The following SF3B4 variants were observed in gnomAD, a reference collection of about 807,000 sequenced individuals.
The protein encoded by SF3B4 is SAP 49.
SF3B4 carries 3 observed loss-of-function variants against 34.3 expected under a neutral mutation model. The ratio of observed to expected loss-of-function variants is 0.09; its 90% CI spans 0.04 to 0.23. The LOEUF is 0.23. Among genes scored for constraint, SF3B4 ranks in the 10% least tolerant of loss-of-function variants. SF3B4 has a pLI of 1.00. For missense variants in SF3B4, 283 were observed against 567.2 expected (o/e 0.50, Z 5.09); for synonymous variants, 216 against 207.8 (o/e 1.04, Z -0.34).
chr1:149,927,674 C>T, intron 1 of SF3B4, 52 bp downstream of exon 1: 2 of 1,546,086 alleles, frequency 1.3e-6, no homozygotes, highest in East Asian at 2.4e-5. Flanking sequence ...TGGCTGTAGT[C>T]GGGGCCTCCT....
intron 1 of SF3B4, 25 bp from the exon 2 acceptor site, chr1:149,927,319 C>T (rs782219908): frequency 6.2e-7 from 1 of 1,611,286 alleles, no homozygotes; most frequent in Non-Finnish European, 8.5e-7. Context: ...GCAAAAAGAG[C>T]AAGCGTGAGA....
Position 149,927,146 on chromosome 1 carries a change from G to T in SF3B4, c.163+20C>A, listed in dbSNP as rs1553766140. Reference sequence around the variant, plus strand: ...TGCTGGGACCCTCCGGGAGCAATTCGCCCCTTGTCATGTACTCACCTTGGT... The same window carrying T: ...TGCTGGGACCCTCCGGGAGCAATTCTCCCCTTGTCATGTACTCACCTTGGT... On this transcript the variant is annotated intron_variant, in intron 2 of 5. Transcript: ENST00000271628. The T allele has an allele frequency of 1.4e-5, 22 of 1,611,670 alleles. No individual in the cohort carries two copies. The highest frequency in any genetic ancestry group is 1.8e-5 in the Non-Finnish European group (21 of 1,179,148).
chr1:149,924,742 T>A (rs1046637302), intron 4 of SF3B4, among the ~76,000 whole-genome samples: 6 of 152,142 alleles, frequency 3.9e-5, no homozygotes, highest in Non-Finnish European at 8.8e-5. Flanking sequence ...GCAGAAAGAT[T>A]ACCATGTGCA....
chr1:149,925,699 T>A (rs782085879), intron 4 of SF3B4, 137 bp downstream of exon 4: 4 of 750,426 alleles, frequency 5.3e-6, no homozygotes, highest in Non-Finnish European at 9.6e-6. Context: ...GCATTTTGTA[T>A]GTTTTTATAA....
rs782451432 is a variant in SF3B4, at chr1:149,926,086, G to A, written c.707-44C>T. 9.9e-7 allele frequency: 1 copy of A among 1,005,912 alleles called. No individual in the cohort carries two copies. The highest frequency in any genetic ancestry group is 2.5e-5 in the East Asian group (1 of 39,806). 62.3% of individuals were successfully genotyped at this position (1,005,912 alleles called of 1,614,324 possible). A position where few individuals can be genotyped will look rare whatever the true frequency, so the allele number is the denominator to read the frequency against. ...AAGGAAGAGTTAATGGTAGTGAGGA[G>A]AAAATGTCTTTAAAGAGCCTGTCCT... On this transcript the variant is annotated intron_variant, in intron 3 of 5. Coordinates refer to ENST00000271628, the MANE Select transcript of SF3B4 (RefSeq NM_005850.5). This position sits in a 1 kb window ranked among gnomAD's most constrained non-coding sequence, Gnocchi z 6.2.
At position 149,923,332 on chromosome 1, in the gene SF3B4, GTTTTA is replaced by G; in HGVS notation, c.*205_*209del. ...ACACCACAAATAAACAAGGAGTTTA[GTTTTA>G]TTTTCTCTGTGCATTTGCAAAATAC... On this transcript the variant is annotated 3_prime_UTR_variant, in exon 6 of 6. Transcript: ENST00000271628. The G allele has an allele frequency of 5.9e-6, 3 of 504,584 alleles. No homozygotes were observed. The highest frequency in any genetic ancestry group is 6.6e-5 in the South Asian group (2 of 30,232). The allele number at this position is 504,584 out of a possible 1,614,324, so 31.3% of individuals were successfully genotyped here. A position where few individuals can be genotyped will look rare whatever the true frequency, so the allele number is the denominator to read the frequency against.
intron 4 of SF3B4, among the ~76,000 whole-genome samples, chr1:149,924,294 A>T (rs898947079): frequency 4.6e-5 from 7 of 152,060 alleles, no homozygotes; most frequent in Admixed American, 1.3e-4. Context: ...TTAATTAGCC[A>T]GGCATGGTGG....
At chr1:149,924,745 C>T (rs587685195) in intron 4 of SF3B4, among the ~76,000 whole-genome samples, 4 of 152,180 alleles carry the variant, frequency 2.6e-5, no homozygotes, top group African/African-American at 9.6e-5. Context: ...GAAAGATTAC[C>T]ATGTGCAAGT....
At chr1:149,923,812 G>A in intron 5 of SF3B4, 29 bp downstream of exon 5, 1 of 1,565,468 alleles carries the variant, frequency 6.4e-7, no homozygotes, top group Non-Finnish European at 8.6e-7. Flanking sequence ...GATAAGTGCA[G>A]ATGAGGGAGG....
At position 149,927,686 on chromosome 1, in the gene SF3B4, G is replaced by A. The variant is rs113558439; in HGVS notation, c.34+40C>T. 3.2e-5 allele frequency: 50 copies of A among 1,551,258 alleles called. 1 individual carries two copies. Among genetic ancestry groups the A allele is most frequent in the Admixed American group, 2.0e-4 (10 of 51,042 alleles). ...TGCTGGCTGTAGTCGGGGCCTCCTAGCCACGCTGAGCCCATTCCAGACTTT... is the reference window on the plus strand; with the variant it reads ...TGCTGGCTGTAGTCGGGGCCTCCTAACCACGCTGAGCCCATTCCAGACTTT... On this transcript the variant is annotated intron_variant, in intron 1 of 5. Coordinates refer to ENST00000271628, the MANE Select transcript of SF3B4 (RefSeq NM_005850.5).
rs1312364382 is a variant in SF3B4, at chr1:149,925,794, C to A, written c.913+42G>T. On this transcript the variant is annotated intron_variant, in intron 4 of 5. Transcript: ENST00000271628. ...CAGGGTGAGTGGTAACAGAGATGCT[C>A]TACCAAGCTCTTCCCTCCCTTTCCC... is the stretch of plus-strand genomic sequence containing the variant. 5 of 1,484,760 alleles carry A rather than the reference C, an allele frequency of 3.4e-6. No individual in the cohort carries two copies. In the East Asian group the frequency reaches 1.1e-4, roughly 34 times the overall value. 92.0% of individuals were successfully genotyped at this position (1,484,760 alleles called of 1,614,324 possible).
Position 149,923,612 on chromosome 1 carries a change from G to T in SF3B4, c.1205C>A (p.Pro402His), listed in dbSNP as rs1263996785. 5 of 1,543,962 alleles carry T rather than the reference G, an allele frequency of 3.2e-6. No homozygotes were observed. The highest frequency in any genetic ancestry group is 3.5e-6 in the Non-Finnish European group (4 of 1,157,298). Reference sequence around the variant, plus strand: ...TGGCCGGGGAGTGGGTCTGGGTGGAGGGAGAGGCCCCCGCTGGTAGCCATA... The same window carrying T: ...TGGCCGGGGAGTGGGTCTGGGTGGATGGAGAGGCCCCCGCTGGTAGCCATA... The part of the protein sequence containing the change: ...PPYGYQRGPL[P>H]PPRPTPRPPV... Residue 402 changes from proline (P) to histidine (H), a missense_variant, in exon 6 of 6, where the codon CCT becomes CAT. Physicochemically the swap from Pro to His is moderately conservative, Grantham distance 77 (BLOSUM62 -2). Transcript: ENST00000271628.
intron 4 of SF3B4, among the ~76,000 whole-genome samples, chr1:149,924,216 C>T (rs74989956): frequency 6.6e-6 from 1 of 152,176 alleles, no homozygotes; most frequent in Non-Finnish European, 1.5e-5. Flanking sequence ...AGGTGGATCA[C>T]TTGAGCCCAG....
At chr1:149,925,569 A>G in intron 4 of SF3B4, 1 of 455,096 alleles carries the variant, frequency 2.2e-6, no homozygotes, top group South Asian at 2.3e-5. Flanking sequence ...TTAGGTCACC[A>G]CTTTGAGGTG....
intron 1 of SF3B4, 32 bp from the exon 2 acceptor site, chr1:149,927,326 G>T: frequency 6.2e-7 from 1 of 1,609,820 alleles, no homozygotes. Flanking sequence ...GAGCAAGCGT[G>T]AGAGTGTAAC....
At chr1:149,927,342 G>A (rs2092596437) in intron 1 of SF3B4, 48 bp from the exon 2 acceptor site, 1 of 1,602,380 alleles carries the variant, frequency 6.2e-7, no homozygotes, top group Non-Finnish European at 8.5e-7. Flanking sequence ...GTAACGGGAA[G>A]GAAGGAAGTG....
Position 149,923,670 on chromosome 1 carries a change from G to T in SF3B4, c.1147C>A (p.His383Asn), listed in dbSNP as rs782088855. 1 of 1,527,212 alleles carries T rather than the reference G, an allele frequency of 6.5e-7. No individual in the cohort carries two copies. The highest frequency in any genetic ancestry group is 8.7e-7 in the Non-Finnish European group (1 of 1,148,392). 94.6% of individuals were successfully genotyped at this position (1,527,212 alleles called of 1,614,324 possible). A position where few individuals can be genotyped will look rare whatever the true frequency, so the allele number is the denominator to read the frequency against. Residue 383 changes from histidine (H) to asparagine (N), a missense_variant, in exon 6 of 6, where the codon CAT (histidine) becomes AAT (asparagine). By Grantham distance (68) the His-to-Asn change is moderately conservative. This residue lies in a region of SF3B4 where 208 missense variants were observed against 292.6 expected (regional missense o/e 0.71). Coordinates refer to ENST00000271628, the MANE Select transcript of SF3B4 (RefSeq NM_005850.5). ...MRGPPPLMPP[H>N]GYTGPPRPPP... is the part of the protein sequence containing the mutation. Reference sequence around the variant, plus strand: ...GGTCGTGGAGGGCCAGTGTATCCATGGGGGGGCATCAGTGGAGGAGGTCCA... The same window carrying T: ...GGTCGTGGAGGGCCAGTGTATCCATTGGGGGGCATCAGTGGAGGAGGTCCA...
chr1:149,925,905 C>G lies in SF3B4; in HGVS notation c.844G>C (p.Gly282Arg). Residue 282 changes from glycine to arginine, a missense_variant, in exon 4 of 6, where the codon GGG (glycine) becomes CGG (arginine). This residue lies in a region of SF3B4 where 208 missense variants were observed against 292.6 expected (regional missense o/e 0.71). Transcript: ENST00000271628. ...TGTCCATGACCAGGATGTCCTGCCCCTGGGGTTCCTGCCGATGGGGGGCCA... is the reference window on the plus strand; with the variant it reads ...TGTCCATGACCAGGATGTCCTGCCCGTGGGGTTCCTGCCGATGGGGGGCCA... ...GHGPPSAGTP[G>R]AGHPGHGHSH... 6.3e-7 allele frequency: 1 copy of G among 1,595,630 alleles called. No individual in the cohort carries two copies. The highest frequency in any genetic ancestry group is 8.6e-7 in the Non-Finnish European group (1 of 1,168,678).
chr1:149,925,345 T>C (rs1237277830), intron 4 of SF3B4, among the ~76,000 whole-genome samples: 2 of 151,944 alleles, frequency 1.3e-5, no homozygotes, highest in East Asian at 3.9e-4. Flanking sequence ...ACTATAGATA[T>C]ATGCAGAAAA....
Sources: gnomAD v4.1 joint callset for allele counts (sites outside exome capture counted in the v4.1 genomes callset) on GRCh38, gnomAD v4.1.1 for gene constraint, gnomAD v4.1.1 regional missense constraint, Gnocchi (gnomAD v3.1) non-coding constraint, MANE v1.5 for transcripts, NCBI Gene and HGNC (gene_info 2026-07-23, HGNC 2026-07-21) for gene names.